The following CIRSR variants were observed in gnomAD, a reference collection of about 807,000 sequenced individuals.
CIRSR encodes CBF1 (RBPJ) interacting corepressor 1.
the CIRSR span, among the ~76,000 whole-genome samples, chr2:174,355,016 T>C: frequency 2.0e-5 from 3 of 151,732 alleles, no homozygotes; most frequent in Non-Finnish European, 4.4e-5. Context: ...ACTTAAACCT[T>C]CTCCTATCAA....
the CIRSR span, among the ~76,000 whole-genome samples, chr2:174,365,238 C>A: frequency 6.6e-6 from 1 of 152,158 alleles, no homozygotes; most frequent in Non-Finnish European, 1.5e-5. Context: ...TTGCTCAGTT[C>A]CCAAGTTCCT....
At chr2:174,384,728 T>C in the CIRSR span, among the ~76,000 whole-genome samples, 3 of 151,950 alleles carry the variant, frequency 2.0e-5, no homozygotes, top group Non-Finnish European at 4.4e-5. Flanking sequence ...AATTCATTTA[T>C]ATTGAAAAAA....
the CIRSR span, among the ~76,000 whole-genome samples, chr2:174,354,142 A>G: frequency 6.6e-6 from 1 of 151,762 alleles, no homozygotes; most frequent in Non-Finnish European, 1.5e-5. Flanking sequence ...ACAGACTATT[A>G]AACAATCATT....
the CIRSR span, among the ~76,000 whole-genome samples, chr2:174,368,923 A>G: frequency 6.6e-6 from 1 of 152,214 alleles, no homozygotes; most frequent in Non-Finnish European, 1.5e-5. Flanking sequence ...TAGATTTAGC[A>G]TAATTCTTAA....
chr2:174,374,485 T>C, the CIRSR span, among the ~76,000 whole-genome samples: 1 of 152,238 alleles, frequency 6.6e-6, no homozygotes, highest in Admixed American at 6.5e-5. Context: ...TAAAACTTAC[T>C]GGCTGATGTG....
chr2:174,380,560 T>G, the CIRSR span: 132 of 1,203,532 alleles, frequency 1.1e-4, 4 homozygotes, highest in South Asian at 1.7e-3. Flanking sequence ...AGTTGCCTCC[T>G]CTAATGATTG....
chr2:174,354,533 T>A, the CIRSR span, among the ~76,000 whole-genome samples: 1 of 62,342 alleles, frequency 1.6e-5, no homozygotes, highest in Non-Finnish European at 2.8e-5. Flanking sequence ...TTTTATATAT[T>A]ATATAATATA....
At chr2:174,351,789 A>G in the CIRSR span, 7 of 1,255,798 alleles carry the variant, frequency 5.6e-6, no homozygotes, top group South Asian at 8.0e-5. Flanking sequence ...CGGACTCCAC[A>G]GTAGGAATGC....
chr2:174,380,735 A>AT, the CIRSR span: 7 of 1,610,386 alleles, frequency 4.3e-6, no homozygotes, highest in Non-Finnish European at 5.9e-6. Context: ...TTCATTGAAA[A>AT]TTCTTTTAAT....
the CIRSR span, among the ~76,000 whole-genome samples, chr2:174,377,844 A>C: frequency 1.3e-5 from 2 of 151,622 alleles, no homozygotes; most frequent in African/African-American, 4.8e-5. Flanking sequence ...AAAAAAAAAA[A>C]AAACCAAACT....
the CIRSR span, chr2:174,349,058 G>A: frequency 6.3e-7 from 1 of 1,592,050 alleles, no homozygotes; most frequent in South Asian, 1.1e-5. Context: ...AGGAGGAGGA[G>A]GAGGAAGATG....
chr2:174,368,619 A>C, the CIRSR span, among the ~76,000 whole-genome samples: 3 of 152,292 alleles, frequency 2.0e-5, no homozygotes, highest in East Asian at 3.9e-4. Flanking sequence ...AGGAGTTTGA[A>C]GCTGCAGTGA....
the CIRSR span, chr2:174,380,799 T>G: frequency 6.3e-7 from 1 of 1,599,018 alleles, no homozygotes; most frequent in Non-Finnish European, 8.5e-7. Flanking sequence ...AAAATAGTAC[T>G]TTACCTCTTT....
the CIRSR span, among the ~76,000 whole-genome samples, chr2:174,357,555 A>C: frequency 6.6e-6 from 1 of 152,220 alleles, no homozygotes; most frequent in Non-Finnish European, 1.5e-5. Context: ...AAGAAAGTAC[A>C]ATCTTCTGTC....
the CIRSR span, among the ~76,000 whole-genome samples, chr2:174,356,054 G>T: frequency 6.6e-6 from 1 of 152,084 alleles, no homozygotes; most frequent in African/African-American, 2.4e-5. Context: ...TTACAGGTGT[G>T]AGCCACCACA....
chr2:174,392,100 C>G, the CIRSR span, among the ~76,000 whole-genome samples: 1 of 152,146 alleles, frequency 6.6e-6, no homozygotes, highest in South Asian at 2.1e-4. Context: ...CGGGTTCATG[C>G]GATTCTCCCA....
chr2:174,390,671 T>C, the CIRSR span, among the ~76,000 whole-genome samples: 1 of 146,944 alleles, frequency 6.8e-6, no homozygotes, highest in Admixed American at 6.6e-5. Flanking sequence ...TCTTGAATTG[T>C]AGTTCCCATA....
At chr2:174,380,784 C>T in the CIRSR span, 1 of 1,601,266 alleles carries the variant, frequency 6.2e-7, no homozygotes, top group East Asian at 2.2e-5. Flanking sequence ...TAAATTCAGA[C>T]ATAGAAAATA....
the CIRSR span, among the ~76,000 whole-genome samples, chr2:174,393,428 G>C: frequency 1.3e-5 from 2 of 152,044 alleles, no homozygotes; most frequent in Non-Finnish European, 2.9e-5. Context: ...TTATAAGCTT[G>C]GGAAACTGAA....
Sources: allele counts gnomAD v4.1 joint callset (sites outside exome capture counted in the v4.1 genomes callset), GRCh38; gene constraint gnomAD v4.1.1; transcripts MANE v1.5; gene names NCBI Gene and HGNC (gene_info 2026-07-23, HGNC 2026-07-21).